FAM171A1: variants seen among roughly 807,000 people sequenced by gnomAD.
FAM171A1 encodes the protein protein FAM171A1.
A neutral mutation model predicts 74.9 loss-of-function variants in FAM171A1; 23 were observed. The observed-to-expected ratio is 0.31, with a 90% CI of 0.22 to 0.44. The LOEUF (loss-of-function observed/expected upper bound fraction) is 0.44, where lower values mean the gene tolerates loss of function less well. Ranked by LOEUF, FAM171A1 falls within the 20% of genes least tolerant of loss-of-function variation. FAM171A1 has a pLI of 1.00. For missense variants in FAM171A1, 1,162 were observed against 1,159.2 expected (o/e 1.00, Z -0.03); for synonymous variants, 527 against 505.7 (o/e 1.04, Z -0.57).
chr10:15,372,873 C>T (rs533497833), upstream of FAM171A1, among the ~76,000 whole-genome samples: 1 of 152,238 alleles, frequency 6.6e-6, no homozygotes, highest in East Asian at 1.9e-4. Flanking sequence ...TTCACCTCCA[C>T]TTGTCCCTCT....
chr10:15,228,238 A>G (rs767314569), intron 5 of FAM171A1, among the ~76,000 whole-genome samples: 3 of 152,046 alleles, frequency 2.0e-5, no homozygotes, highest in Non-Finnish European at 4.4e-5. Context: ...AGCACTATTG[A>G]CTTTGAAAAG....
intron 1 of FAM171A1, among the ~76,000 whole-genome samples, chr10:15,370,336 C>G (rs548155778): frequency 6.6e-6 from 1 of 150,696 alleles, no homozygotes; most frequent in African/African-American, 2.4e-5. Flanking sequence ...GAGCAAATCC[C>G]TTATGGTCTG....
chr10:15,297,332 T>C (rs1366202833), intron 1 of FAM171A1, among the ~76,000 whole-genome samples: 6 of 152,172 alleles, frequency 3.9e-5, no homozygotes, highest in Non-Finnish European at 8.8e-5. Flanking sequence ...ATGCTGGGAT[T>C]ACAGGCATGA....
At chr10:15,345,247 T>C (rs1402785801) in intron 1 of FAM171A1, among the ~76,000 whole-genome samples, 1 of 152,202 alleles carries the variant, frequency 6.6e-6, no homozygotes, top group African/African-American at 2.4e-5. Context: ...GAGTGGCAGT[T>C]CTGGCCCTAA....
intron 5 of FAM171A1, among the ~76,000 whole-genome samples, chr10:15,225,251 G>A (rs1834089842): frequency 6.6e-6 from 1 of 152,200 alleles, no homozygotes; most frequent in Non-Finnish European, 1.5e-5. Flanking sequence ...ATGAGTGGAA[G>A]CTACAGGTGC....
intron 1 of FAM171A1, among the ~76,000 whole-genome samples, chr10:15,302,005 T>G (rs1835235555): frequency 6.6e-6 from 1 of 152,176 alleles, no homozygotes; most frequent in Admixed American, 6.5e-5. Context: ...TCCCAATTTT[T>G]GGGTAATGTC....
chr10:15,321,074 T>C lies in FAM171A1; in HGVS notation c.98-36969A>G, dbSNP rs77426985. Among the ~76,000 whole-genome samples, 4 of 152,292 alleles carry C rather than the reference T, an allele frequency of 2.6e-5. No homozygotes were observed. The East Asian group carries it at 5.8e-4, about 22-fold the overall frequency. ...TGACATCTGGTCATTTGGGGCCTGA[T>C]TGAAGAGAGCCACCTAGAAGAATAT... On this transcript the variant is annotated intron_variant, in intron 1 of 7. Coordinates refer to ENST00000378116, the MANE Select transcript of FAM171A1 (RefSeq NM_001010924.2).
chr10:15,311,985 T>C (rs542305440), intron 1 of FAM171A1, among the ~76,000 whole-genome samples: 2 of 152,326 alleles, frequency 1.3e-5, no homozygotes, highest in East Asian at 3.9e-4. Flanking sequence ...GTGAGGTATG[T>C]GAGATCAGCC....
At chr10:15,287,719 T>C (rs1465623041) in intron 1 of FAM171A1, among the ~76,000 whole-genome samples, 1 of 152,192 alleles carries the variant, frequency 6.6e-6, no homozygotes, top group Non-Finnish European at 1.5e-5. Context: ...AACTTGGTCC[T>C]CTGTGTCCCC....
At position 15,248,700 on chromosome 10, in the gene FAM171A1, G is replaced by A. The variant is rs140230588; in HGVS notation, c.693C>T (p.Ala231=). The change falls in exon 5 of 8, where the codon GCC becomes GCT. Residue 231 remains alanine, a synonymous_variant. Transcript: ENST00000378116. ...DGPIYVTVPL[A]TQSSLRHNAY... ...CATTGTGCCTCAGGCTGCTCTGCGT[G>A]GCCAGGGGCACAGTGACATAGATGG... is the stretch of plus-strand genomic sequence containing the variant. The A allele has an allele frequency of 8.4e-5, 135 of 1,613,074 alleles. 1 individual carries two copies. Among genetic ancestry groups the A allele is most frequent in the Admixed American group, 1.8e-4 (11 of 59,878 alleles).
chr10:15,275,954 G>A lies in FAM171A1; in HGVS notation c.326-7C>T. ...AGGCTCAGAGAGGAAAATACTGCAG[G>A]AAAAAGAAATGGATAGAAGGGGATT... On this transcript the variant is annotated splice_polypyrimidine_tract_variant and splice_region_variant and intron_variant, in intron 2 of 7. Coordinates refer to ENST00000378116, the MANE Select transcript of FAM171A1 (RefSeq NM_001010924.2). The A allele has an allele frequency of 6.3e-7, 1 of 1,598,330 alleles. No homozygotes were observed. Among genetic ancestry groups the A allele is most frequent in the Admixed American group, 1.7e-5 (1 of 58,946 alleles).
rs539473696 is a variant in FAM171A1 at position 15,259,295 on chromosome 10, T to C, written c.419-4416A>G. Reference sequence around the variant, plus strand: ...CTTATACTGCCTCTCACCTCAACTATTGTGAAAGCCTCCTATCTGGGCCAT... The same window carrying C: ...CTTATACTGCCTCTCACCTCAACTACTGTGAAAGCCTCCTATCTGGGCCAT... On this transcript the variant is annotated intron_variant, in intron 3 of 7. Transcript: ENST00000378116. Among the ~76,000 whole-genome samples, 92 of 152,320 alleles carry C rather than the reference T, an allele frequency of 6.0e-4. 1 individual carries two copies. Among genetic ancestry groups the C allele is most frequent in the African/African-American group, 1.5e-3 (61 of 41,570 alleles).
chr10:15,257,477 C>T (rs1047829753), intron 3 of FAM171A1, among the ~76,000 whole-genome samples: 7 of 152,140 alleles, frequency 4.6e-5, no homozygotes, highest in Admixed American at 3.9e-4. Flanking sequence ...GCTTCTCGTG[C>T]CTTCTCGAGC....
chr10:15,241,329 T>C (rs1834361909), intron 5 of FAM171A1: 1 of 152,204 alleles, frequency 6.6e-6, no homozygotes, highest in South Asian at 2.1e-4. Context: ...TGGAAAGAAC[T>C]TCTGGAAGGC....
chr10:15,364,072 C>T (rs1319301638), intron 1 of FAM171A1, among the ~76,000 whole-genome samples: 2 of 152,130 alleles, frequency 1.3e-5, no homozygotes, highest in Non-Finnish European at 1.5e-5. Flanking sequence ...CGGTCCCTAA[C>T]ATTTCATTAC....
intron 4 of FAM171A1, among the ~76,000 whole-genome samples, chr10:15,249,284 T>C (rs760958248): frequency 4.6e-5 from 7 of 152,036 alleles, no homozygotes; most frequent in African/African-American, 7.2e-5. Flanking sequence ...TTAGTGAAGA[T>C]GGGGTTTTGC....
At chr10:15,373,161 T>C (rs541420357), upstream of FAM171A1, among the ~76,000 whole-genome samples, 7 of 152,340 alleles carry the variant, frequency 4.6e-5, no homozygotes, top group African/African-American at 1.7e-4. Context: ...ATGGGTTTTA[T>C]AGTCACCCTT....
intron 5 of FAM171A1, among the ~76,000 whole-genome samples, chr10:15,243,153 G>A (rs1438060453): frequency 6.6e-6 from 1 of 151,992 alleles, no homozygotes; most frequent in Non-Finnish European, 1.5e-5. Context: ...CTTCCAGTGG[G>A]TGCCTGTATT....
At chr10:15,298,789 A>T (rs1835191931) in intron 1 of FAM171A1, among the ~76,000 whole-genome samples, 1 of 152,240 alleles carries the variant, frequency 6.6e-6, no homozygotes, top group Non-Finnish European at 1.5e-5. Flanking sequence ...ACTGAGCTTC[A>T]TACAATACCC....
Sources: gnomAD v4.1 joint callset for allele counts (sites outside exome capture counted in the v4.1 genomes callset) on GRCh38, gnomAD v4.1.1 for gene constraint, MANE v1.5 for transcripts, NCBI Gene and HGNC (gene_info 2026-07-23, HGNC 2026-07-21) for gene names.